SP2: variants seen among roughly 807,000 people sequenced by gnomAD.
SP2 encodes the protein transcription factor Sp2.
In SP2, 9 loss-of-function variants were observed where a neutral mutation model predicts 50.1. The observed-to-expected ratio is 0.18, with a 90% CI of 0.11 to 0.31. The LOEUF (loss-of-function observed/expected upper bound fraction) is 0.31. SP2 is among the 10% of genes least tolerant of loss of function. The pLI is 1.00. For missense variants in SP2, 581 were observed against 806.5 expected (o/e 0.72, Z 3.39); for synonymous variants, 313 against 326.6 (o/e 0.96, Z 0.45).
At chr17:47,919,931 G>T (rs907668271) in intron 3 of SP2, among the ~76,000 whole-genome samples, 11 of 145,600 alleles carry the variant, frequency 7.6e-5, no homozygotes, top group South Asian at 2.2e-4. Context: ...CCAACTCCTG[G>T]GTTCAAGCGA....
chr17:47,907,545 A>T (rs1279335323), intron 1 of SP2, among the ~76,000 whole-genome samples: 2 of 152,150 alleles, frequency 1.3e-5, no homozygotes, highest in Non-Finnish European at 2.9e-5. Flanking sequence ...AGCCAACCTA[A>T]CTTAATGAAA....
downstream of SP2, among the ~76,000 whole-genome samples, chr17:47,930,550 G>T (rs1040864859): frequency 1.3e-5 from 2 of 152,198 alleles, no homozygotes; most frequent in South Asian, 2.1e-4. Flanking sequence ...AAGAGCGAGA[G>T]AATGTATTCT....
Position 47,925,410 on chromosome 17 carries a change from G to A in SP2, c.1610G>A (p.Arg537His), listed in dbSNP as rs202023956. Reference sequence around the variant, plus strand: ...ATCCCCGACTGTGGCAAGACGTTCCGTAAGACGTCCTTGCTGCGTGCCCAT... The same window carrying A: ...ATCCCCGACTGTGGCAAGACGTTCCATAAGACGTCCTTGCTGCGTGCCCAT... ...CHIPDCGKTF[R>H]KTSLLRAHVR... The change falls in exon 6 of 7, where the codon CGT becomes CAT. Residue 537 changes from arginine to histidine, a missense_variant. Coordinates refer to ENST00000376741, the MANE Select transcript of SP2 (RefSeq NM_003110.6). 1.6e-5 allele frequency: 26 copies of A among 1,614,096 alleles called. No homozygotes were observed. The highest frequency in any genetic ancestry group is 2.0e-5 in the Non-Finnish European group (24 of 1,180,046).
intron 4 of SP2, among the ~76,000 whole-genome samples, chr17:47,924,282 T>C (rs892369297): frequency 2.0e-5 from 3 of 151,930 alleles, no homozygotes; most frequent in African/African-American, 7.3e-5. Context: ...ACTACAGGCA[T>C]GTAGCACCAT....
intron 1 of SP2, among the ~76,000 whole-genome samples, chr17:47,910,135 G>A (rs1446784728): frequency 6.6e-6 from 1 of 152,140 alleles, no homozygotes; most frequent in Non-Finnish European, 1.5e-5. Context: ...CACCACGCCT[G>A]GCCAACATCT....
chr17:47,914,348 G>C (rs974843457), intron 1 of SP2, among the ~76,000 whole-genome samples: 1 of 151,104 alleles, frequency 6.6e-6, no homozygotes, highest in African/African-American at 2.4e-5. Context: ...TCCAGCCTGG[G>C]CAACAAGAGT....
At chr17:47,907,999 G>A (rs1181735122) in intron 1 of SP2, among the ~76,000 whole-genome samples, 1 of 152,064 alleles carries the variant, frequency 6.6e-6, no homozygotes, top group Admixed American at 6.6e-5. Flanking sequence ...CTCTCTTTTG[G>A]TTGCCCAGGT....
At chr17:47,911,804 CAAA>C (rs35302370) in intron 1 of SP2, among the ~76,000 whole-genome samples, 3 of 70,512 alleles carry the variant, frequency 4.3e-5, no homozygotes, top group Admixed American at 1.6e-4. Flanking sequence ...GACTCCGTCT[CAAA>C]AAAAAAAAAA....
chr17:47,896,952 T>G, intron 1 of SP2, among the ~76,000 whole-genome samples: 2 of 152,226 alleles, frequency 1.3e-5, no homozygotes, highest in African/African-American at 2.4e-5. Flanking sequence ...TTTAATGTTT[T>G]TACTTGGATC....
intron 1 of SP2, among the ~76,000 whole-genome samples, chr17:47,911,143 A>G (rs1399086717): frequency 1.3e-5 from 2 of 152,058 alleles, no homozygotes; most frequent in African/African-American, 4.8e-5. Context: ...GGAGGATCAC[A>G]TGAGCCCAGG....
intron 1 of SP2, among the ~76,000 whole-genome samples, chr17:47,904,670 C>A (rs969577429): frequency 1.3e-5 from 2 of 152,108 alleles, no homozygotes; most frequent in African/African-American, 4.8e-5. Flanking sequence ...TAGCAAGCCA[C>A]GGCCCAGAGT....
chr17:47,917,269 G>A (rs1041180347), intron 3 of SP2, 139 bp downstream of exon 3: 29 of 784,972 alleles, frequency 3.7e-5, no homozygotes, highest in South Asian at 5.5e-5. Flanking sequence ...GTAAGTGGCC[G>A]TTTCTACCTG....
At chr17:47,919,796 C>A (rs1230184188) in intron 3 of SP2, among the ~76,000 whole-genome samples, 1 of 131,756 alleles carries the variant, frequency 7.6e-6, no homozygotes, top group Non-Finnish European at 1.6e-5. Context: ...TCTCCTTAGT[C>A]TCTTTTGATC....
In SP2 at chr17:47,923,203, A is replaced by G; in HGVS notation, c.1301A>G (p.Gln434Arg). 1.2e-6 allele frequency: 2 copies of G among 1,613,324 alleles called. No homozygotes were observed. The highest frequency in any genetic ancestry group is 1.7e-6 in the Non-Finnish European group (2 of 1,180,034). ...LNAAQLAAAAQAMQTININGV... is the reference protein window; with the variant it reads ...LNAAQLAAAARAMQTININGV... ...GCAGCCCAGTTGGCGGCAGCTGCCCAGGCAATGCAGACCATCAACATCAAT... is the reference window on the plus strand; with the variant it reads ...GCAGCCCAGTTGGCGGCAGCTGCCCGGGCAATGCAGACCATCAACATCAAT... Residue 434 changes from glutamine (Q) to arginine (R), a missense_variant, in exon 4 of 7, where the codon CAG (glutamine) becomes CGG (arginine). Gln to Arg is a conservative substitution (Grantham distance 43). Coordinates refer to ENST00000376741, the MANE Select transcript of SP2 (RefSeq NM_003110.6).
chr17:47,925,905 C>CT (rs71141942), intron 6 of SP2, among the ~76,000 whole-genome samples: 3,858 of 84,362 alleles, frequency 0.046, 469 homozygotes, highest in African/African-American at 0.093. Flanking sequence ...TTGTTTATGC[C>CT]TTTTTTTTTT....
At chr17:47,904,514 A>G (rs982329121) in intron 1 of SP2, among the ~76,000 whole-genome samples, 3 of 151,868 alleles carry the variant, frequency 2.0e-5, no homozygotes, top group Non-Finnish European at 4.4e-5. Context: ...TCTTGATGAA[A>G]TTGTAGACAT....
chr17:47,916,281 C>T lies in SP2; in HGVS notation c.210C>T (p.Ile70=). The change falls in exon 3 of 7, where the codon ATC becomes ATT. Residue 70 remains isoleucine (I), a synonymous_variant. Coordinates refer to ENST00000376741, the MANE Select transcript of SP2 (RefSeq NM_003110.6). This position sits in a 1 kb window ranked among gnomAD's most constrained non-coding sequence, Gnocchi z 4.7. The part of the protein sequence containing the change: ...PQPTPRKLVP[I]KPAPLPLSPG... ...CCACACCGCGGAAACTTGTCCCTAT[C>T]AAACCTGCCCCTCTCCCTCTCAGCC... 2.5e-6 allele frequency: 4 copies of T among 1,614,124 alleles called. No individual in the cohort carries two copies. The highest frequency in any genetic ancestry group is 2.5e-6 in the Non-Finnish European group (3 of 1,180,018).
chr17:47,897,469 G>A (rs2034387080), intron 1 of SP2: 1 of 152,218 alleles, frequency 6.6e-6, no homozygotes, highest in African/African-American at 2.4e-5. Context: ...CAGTAGATCT[G>A]CTTTAAACAA....
intron 3 of SP2, among the ~76,000 whole-genome samples, chr17:47,921,674 C>A (rs553426659): frequency 6.6e-6 from 1 of 152,354 alleles, no homozygotes; most frequent in Admixed American, 6.5e-5. Flanking sequence ...CCCCACCATT[C>A]TGTAAGCATT....
Sources: allele counts gnomAD v4.1 joint callset (sites outside exome capture counted in the v4.1 genomes callset), GRCh38; gene constraint gnomAD v4.1.1; non-coding constraint Gnocchi (gnomAD v3.1); transcripts MANE v1.5; gene names NCBI Gene and HGNC (gene_info 2026-07-23, HGNC 2026-07-21).